Variants in GRIK2 observed in about 807,000 individuals in gnomAD.
GRIK2 encodes the protein glutamate ionotropic receptor kainate type subunit 2.
Under a neutral mutation model 100.3 loss-of-function variants are expected in GRIK2, and 32 were observed. The observed-to-expected ratio is 0.32, with a 90% CI of 0.24 to 0.43. The LOEUF (loss-of-function observed/expected upper bound fraction) is 0.43. Ranked by LOEUF, GRIK2 falls within the 20% of genes least tolerant of loss-of-function variation. GRIK2 has a pLI of 1.00. For synonymous variants in GRIK2, 417 were observed against 389.4 expected (o/e 1.07, Z -0.83); for missense variants, 843 against 1,114.9 (o/e 0.76, Z 3.47).
chr6:101,846,793 G>C (rs934463417), intron 10 of GRIK2, among the ~76,000 whole-genome samples: 1 of 152,000 alleles, frequency 6.6e-6, no homozygotes, highest in Non-Finnish European at 1.5e-5. Flanking sequence ...AATTTTTGAT[G>C]TGTAATTATT....
At chr6:101,887,669 A>G (rs1486958223) in intron 11 of GRIK2, among the ~76,000 whole-genome samples, 2 of 152,090 alleles carry the variant, frequency 1.3e-5, no homozygotes, top group Admixed American at 1.3e-4. Flanking sequence ...GGAAACTTAC[A>G]ATCCTGGCGG....
intron 15 of GRIK2, among the ~76,000 whole-genome samples, chr6:102,039,779 G>A (rs1562130938): frequency 6.6e-6 from 1 of 151,410 alleles, no homozygotes; most frequent in Admixed American, 6.6e-5. Context: ...AGGGCCAGTT[G>A]GTATTATTTT....
chr6:101,978,438 CTG>C (rs1430588604), intron 14 of GRIK2, among the ~76,000 whole-genome samples: 2 of 151,250 alleles, frequency 1.3e-5, no homozygotes, highest in African/African-American at 2.5e-5. Flanking sequence ...CTTTTCTTGA[CTG>C]TCAGGCAGTA....
chr6:101,429,968 G>A (rs1161262315), intron 2 of GRIK2, among the ~76,000 whole-genome samples: 1 of 152,180 alleles, frequency 6.6e-6, no homozygotes, highest in African/African-American at 2.4e-5. Flanking sequence ...CTAACGCTTG[G>A]ACTTCTCTAA....
chr6:101,914,662 C>T (rs889409541), intron 12 of GRIK2, among the ~76,000 whole-genome samples: 1 of 151,354 alleles, frequency 6.6e-6, no homozygotes, highest in African/African-American at 2.4e-5. Context: ...TAATTGGAAA[C>T]CTTTTGGCAT....
intron 7 of GRIK2, among the ~76,000 whole-genome samples, chr6:101,787,552 A>G (rs74807465): frequency 6.6e-6 from 1 of 152,114 alleles, no homozygotes; most frequent in Non-Finnish European, 1.5e-5. Context: ...AATTTACTCC[A>G]TGACCTAATG....
intron 7 of GRIK2, among the ~76,000 whole-genome samples, chr6:101,698,012 T>A (rs1250143183): frequency 1.3e-5 from 2 of 152,130 alleles, no homozygotes; most frequent in Admixed American, 1.3e-4. Context: ...TTTTGATCCC[T>A]GTTTATACAA....
chr6:101,456,939 C>G (rs528698089), intron 2 of GRIK2, among the ~76,000 whole-genome samples: 15 of 152,208 alleles, frequency 9.9e-5, no homozygotes, highest in African/African-American at 3.6e-4. Context: ...TTTCTGGATT[C>G]TTTGGGAGGC....
At chr6:101,403,852 G>A (rs1236038254) in intron 2 of GRIK2, among the ~76,000 whole-genome samples, 1 of 152,070 alleles carries the variant, frequency 6.6e-6, no homozygotes, top group African/African-American at 2.4e-5. Flanking sequence ...GCTGAGCTGT[G>A]GAATGCAAGG....
intron 10 of GRIK2, among the ~76,000 whole-genome samples, chr6:101,826,326 G>A (rs996179339): frequency 6.6e-6 from 1 of 151,978 alleles, no homozygotes; most frequent in African/African-American, 2.4e-5. Context: ...CTAAGTATAA[G>A]GTTTCTTGGG....
chr6:102,050,373 C>T (rs749717605), intron 15 of GRIK2, among the ~76,000 whole-genome samples: 1 of 151,562 alleles, frequency 6.6e-6, no homozygotes, highest in Non-Finnish European at 1.5e-5. Context: ...GAATACAGGG[C>T]CCCAGCACGG....
chr6:101,665,958 T>A (rs1400299554), intron 4 of GRIK2, among the ~76,000 whole-genome samples: 2 of 152,272 alleles, frequency 1.3e-5, no homozygotes, highest in East Asian at 3.9e-4. Flanking sequence ...CTGTTTGTAG[T>A]ATCTATTAAT....
At chr6:102,029,742 T>C (rs1241638975) in intron 14 of GRIK2, among the ~76,000 whole-genome samples, 5 of 151,332 alleles carry the variant, frequency 3.3e-5, no homozygotes, top group South Asian at 4.1e-4. Context: ...GGACCCACCT[T>C]ATTAGGAACA....
At chr6:101,673,637 A>T (rs941537715) in intron 4 of GRIK2, among the ~76,000 whole-genome samples, 6 of 152,020 alleles carry the variant, frequency 3.9e-5, no homozygotes, top group Non-Finnish European at 8.8e-5. Context: ...TTCTCTTTTT[A>T]TTCATGTATT....
At chr6:101,992,497 G>C (rs1479421091) in intron 14 of GRIK2, among the ~76,000 whole-genome samples, 1 of 151,682 alleles carries the variant, frequency 6.6e-6, no homozygotes, top group East Asian at 1.9e-4. Flanking sequence ...CAAAGCAAAT[G>C]CTTAATGCAG....
intron 12 of GRIK2, among the ~76,000 whole-genome samples, chr6:101,895,611 T>A (rs1382507903): frequency 6.6e-6 from 1 of 151,764 alleles, no homozygotes; most frequent in Non-Finnish European, 1.5e-5. Flanking sequence ...TGGTGGGATG[T>A]TCAGTGTTAA....
intron 2 of GRIK2, among the ~76,000 whole-genome samples, chr6:101,474,936 T>C (rs1465656808): frequency 6.6e-6 from 1 of 151,914 alleles, no homozygotes; most frequent in Non-Finnish European, 1.5e-5. Flanking sequence ...TCAGTGATTT[T>C]TTTTCACTCA....
At chr6:101,934,910 T>C (rs753495048) in intron 14 of GRIK2, among the ~76,000 whole-genome samples, 7 of 151,998 alleles carry the variant, frequency 4.6e-5, no homozygotes, top group Non-Finnish European at 1.0e-4. Context: ...ATGCAGAAAA[T>C]TAACCTAAAA....
chr6:101,646,322 C>G (rs1781525982), intron 4 of GRIK2, among the ~76,000 whole-genome samples: 1 of 151,860 alleles, frequency 6.6e-6, no homozygotes, highest in Non-Finnish European at 1.5e-5. Flanking sequence ...TCTTGATGAT[C>G]TAATTATAAT....
Sources: allele counts gnomAD v4.1 joint callset (sites outside exome capture counted in the v4.1 genomes callset), GRCh38; gene constraint gnomAD v4.1.1; transcripts MANE v1.5; gene names NCBI Gene and HGNC (gene_info 2026-07-23, HGNC 2026-07-21).